The following ATG4A variants were observed in gnomAD, a reference collection of about 807,000 sequenced individuals.
ATG4A encodes the protein autophagy related 4A cysteine peptidase, also known as cysteine protease ATG4A.
ATG4A carries 22 observed loss-of-function variants against 38.4 expected under a neutral mutation model. The ratio of observed to expected loss-of-function variants is 0.57; its 90% CI spans 0.41 to 0.82. ATG4A has a LOEUF of 0.82. Among genes scored for constraint, ATG4A ranks in the 40% least tolerant of loss-of-function variants. The probability of loss-of-function intolerance (pLI) is 0.00; values close to 1 mark genes in which losing one functional copy is unlikely to be tolerated. For synonymous variants in ATG4A, 86 were observed against 100.7 expected (o/e 0.85, Z 0.88); for missense variants, 220 against 290.0 (o/e 0.76, Z 1.75).
intron 6 of ATG4A, among the ~76,000 whole-genome samples, chrX:108,135,548 G>A (rs935433844): frequency 6.3e-5 from 7 of 111,688 alleles, no homozygotes; most frequent in Non-Finnish European, 1.1e-4. Context: ...TAACCTCTCT[G>A]AGGCTGCTCT....
intron 2 of ATG4A, chrX:108,126,733 C>T: frequency 2.0e-6 from 2 of 975,935 alleles, no homozygotes. Flanking sequence ...AACTTTTAGC[C>T]ACTGCAGCTA....
At chrX:108,124,544 T>C (rs952563181) in intron 1 of ATG4A, among the ~76,000 whole-genome samples, 1 of 109,742 alleles carries the variant, frequency 9.1e-6, no homozygotes, top group Non-Finnish European at 1.9e-5. Context: ...CTCGGCCTCC[T>C]GGGTTCAAGC....
chrX:108,102,843 T>C (rs1173145918), intron 1 of ATG4A, among the ~76,000 whole-genome samples: 3 of 109,546 alleles, frequency 2.7e-5, no homozygotes, highest in Non-Finnish European at 5.7e-5. Flanking sequence ...TTTCAAAAAC[T>C]TTTAAGTTCC....
chrX:108,140,749 G>A (rs1353407436), intron 9 of ATG4A, among the ~76,000 whole-genome samples: 1 of 96,461 alleles, frequency 1.0e-5, no homozygotes, highest in Non-Finnish European at 2.0e-5. Flanking sequence ...AAAATACATT[G>A]TATATATAAA....
chrX:108,145,898 A>G (rs1215181367), intron 9 of ATG4A, among the ~76,000 whole-genome samples: 1 of 111,590 alleles, frequency 9.0e-6, no homozygotes, highest in Admixed American at 9.5e-5. Flanking sequence ...TTGCACCTGA[A>G]CTAAAACTCC....
Position 108,128,853 on chromosome X carries a change from G to T in ATG4A, c.193+1G>T. 1 of 1,171,996 alleles carries T rather than the reference G, an allele frequency of 8.5e-7. No homozygotes were observed. Among genetic ancestry groups the T allele is most frequent in the Non-Finnish European group, 1.1e-6 (1 of 870,757 alleles). On this transcript the variant is annotated splice_donor_variant, in intron 3 of 12. Coordinates refer to ENST00000372232, the MANE Select transcript of ATG4A (RefSeq NM_052936.5). LOFTEE classifies it high-confidence loss of function. The stretch of plus-strand genomic sequence containing the variant: ...TACAGAAGGAAATTTTCACCAATTG[G>T]TAGGTAAATCATTTGTTTTACTGTG...
intron 1 of ATG4A, among the ~76,000 whole-genome samples, chrX:108,111,474 T>C (rs751632464): frequency 8.9e-6 from 1 of 112,233 alleles, no homozygotes; most frequent in South Asian, 3.7e-4. Context: ...TATGAAATTT[T>C]CCTGAAGACT....
In ATG4A at chrX:108,134,119, T is replaced by C; in HGVS notation, c.355T>C (p.Leu119=). The part of the protein sequence containing the change: ...KEYQRILQCF[L]DRKDCCYSIH... ...ATACCAACGCATCCTACAGTGCTTC[T>C]TAGATAGAAAAGATTGTTGCTACTC... The change falls in exon 5 of 13, where the codon TTA becomes CTA. Residue 119 remains leucine, a synonymous_variant. Coordinates refer to ENST00000372232, the MANE Select transcript of ATG4A (RefSeq NM_052936.5). 1.7e-6 allele frequency: 2 copies of C among 1,208,468 alleles called. No homozygotes were observed. The highest frequency in any genetic ancestry group is 2.2e-6 in the Non-Finnish European group (2 of 894,324).
chrX:108,091,784 A>G lies in ATG4A; in HGVS notation c.-43A>G. On this transcript the variant is annotated 5_prime_UTR_variant, in exon 1 of 13. Coordinates refer to ENST00000372232, the MANE Select transcript of ATG4A (RefSeq NM_052936.5). ...GGGATCCTAGCGACCGTCCGTCCGT[A>G]GTCAAGTTGCCGGTGGAATTGGCCC... 8.3e-7 allele frequency: 1 copy of G among 1,207,123 alleles called. No individual in the cohort carries two copies.
intron 9 of ATG4A, among the ~76,000 whole-genome samples, chrX:108,145,161 T>C (rs780916257): frequency 6.2e-4 from 70 of 112,624 alleles, no homozygotes; most frequent in African/African-American, 2.2e-3. Flanking sequence ...TCCTCTGGCA[T>C]GCAAATGTCT....
At chrX:108,106,781 A>G (rs1333683457) in intron 1 of ATG4A, among the ~76,000 whole-genome samples, 1 of 111,991 alleles carries the variant, frequency 8.9e-6, no homozygotes, top group Non-Finnish European at 1.9e-5. Context: ...TTCTATAAGT[A>G]AGGTATTTCT....
At chrX:108,145,751 A>T (rs2033407046) in intron 9 of ATG4A, among the ~76,000 whole-genome samples, 2 of 111,975 alleles carry the variant, frequency 1.8e-5, no homozygotes, top group African/African-American at 6.5e-5. Flanking sequence ...TCTCACTGTA[A>T]TAGCCCTCAC....
chrX:108,109,714 A>G (rs1328729454), intron 1 of ATG4A, among the ~76,000 whole-genome samples: 1 of 112,105 alleles, frequency 8.9e-6, no homozygotes, highest in Non-Finnish European at 1.9e-5. Context: ...TGTCCCCAAA[A>G]TCATTTGTTA....
chrX:108,091,561 G>T, upstream of ATG4A: 1 of 1,137,180 alleles, frequency 8.8e-7, no homozygotes, highest in Non-Finnish European at 1.2e-6. Flanking sequence ...AGCAACGCCC[G>T]CCTCACGTCG....
chrX:108,125,957 A>G (rs1050946922), intron 1 of ATG4A, 120 bp from the exon 2 acceptor site: 31 of 437,368 alleles, frequency 7.1e-5, no homozygotes, highest in Non-Finnish European at 1.2e-4. Flanking sequence ...AGGAAAAGGA[A>G]TTGTTTCCAT....
At chrX:108,105,645 C>T (rs2032148807) in intron 1 of ATG4A, among the ~76,000 whole-genome samples, 1 of 111,727 alleles carries the variant, frequency 9.0e-6, no homozygotes, top group Non-Finnish European at 1.9e-5. Context: ...CTGTGCTGAA[C>T]TGTGCTGGCC....
intron 9 of ATG4A, among the ~76,000 whole-genome samples, chrX:108,140,552 C>T (rs988036784): frequency 1.8e-4 from 18 of 102,598 alleles, no homozygotes; most frequent in African/African-American, 5.0e-4. Context: ...CACATATATA[C>T]ACACACACAC....
At chrX:108,092,011 G>A in intron 1 of ATG4A, 175 bp downstream of exon 1, 2 of 829,335 alleles carry the variant, frequency 2.4e-6, no homozygotes, top group Non-Finnish European at 3.4e-6. Context: ...AGGGACAAGG[G>A]TTGGAGCTGA....
intron 11 of ATG4A, chrX:108,152,152 T>TA: frequency 2.2e-5 from 5 of 226,657 alleles, no homozygotes; most frequent in Non-Finnish European, 4.0e-5. Flanking sequence ...AGGCAATACT[T>TA]ACATTTTAGA....
Sources: allele counts gnomAD v4.1 joint callset (sites outside exome capture counted in the v4.1 genomes callset), GRCh38; gene constraint gnomAD v4.1.1; transcripts MANE v1.5; gene names NCBI Gene and HGNC (gene_info 2026-07-23, HGNC 2026-07-21).